Variants in PRRC2C observed in about 807,000 individuals in gnomAD.
The protein encoded by PRRC2C is proline rich coiled-coil 2C.
A neutral mutation model predicts 317.2 loss-of-function variants in PRRC2C; 72 were observed. That is an observed-to-expected ratio of 0.23 (90% CI 0.19 to 0.28). The LOEUF (loss-of-function observed/expected upper bound fraction) is 0.28, where lower values mean the gene tolerates loss of function less well. Among genes scored for constraint, PRRC2C ranks in the 10% least tolerant of loss-of-function variants. The probability of loss-of-function intolerance (pLI) is 1.00; values close to 1 mark genes in which losing one functional copy is unlikely to be tolerated. For synonymous variants in PRRC2C, 1,296 were observed against 1,205.9 expected (o/e 1.07, Z -1.55); for missense variants, 3,074 against 3,459.7 (o/e 0.89, Z 2.80).
In PRRC2C at chr1:171,536,228, C is replaced by T; in HGVS notation, c.2243C>T (p.Pro748Leu). The change falls in exon 14 of 35, where the codon CCT becomes CTT. Residue 748 changes from proline (P) to leucine (L), a missense_variant. Physicochemically the swap from Pro to Leu is moderately conservative, Grantham distance 98. Transcript: ENST00000647382. Reference protein sequence around the residue: ...RWLMMQSYMDPRMMSGRPAMD... With the variant: ...RWLMMQSYMDLRMMSGRPAMD... The stretch of plus-strand genomic sequence containing the variant: ...CTCATGATGCAGTCCTACATGGATC[C>T]TCGAATGATGTCAGGAAGACCTGCT... 1 of 1,613,760 alleles carries T rather than the reference C, an allele frequency of 6.2e-7. No homozygotes were observed.
At chr1:171,565,807 A>G (rs1383903108) in intron 20 of PRRC2C, among the ~76,000 whole-genome samples, 1 of 152,216 alleles carries the variant, frequency 6.6e-6, no homozygotes, top group Non-Finnish European at 1.5e-5. Flanking sequence ...TACCAATCAC[A>G]AAGTTTTTAT....
intron 19 of PRRC2C, among the ~76,000 whole-genome samples, chr1:171,559,963 G>T (rs548815063): frequency 6.6e-6 from 1 of 152,338 alleles, no homozygotes; most frequent in South Asian, 2.1e-4. Context: ...GAAGATTTAT[G>T]TTGTTTTCAT....
Position 171,542,153 on chromosome 1 carries a change from C to T in PRRC2C, c.4687C>T (p.Pro1563Ser), listed in dbSNP as rs147442466. 4.4e-6 allele frequency: 7 copies of T among 1,607,260 alleles called. No individual in the cohort carries two copies. The African/African-American group carries it at 8.1e-5, about 19-fold the overall frequency. Reference protein sequence around the residue: ...RQNRRGNNGPPKSGRNFSGPR... With the variant: ...RQNRRGNNGPSKSGRNFSGPR... The stretch of plus-strand genomic sequence containing the variant: ...GAATCGACGTGGCAACAATGGTCCA[C>T]CCAAATCAGGAAGGAATTTCTCAGG... Residue 1563 changes from proline (P) to serine (S), a missense_variant, in exon 16 of 35, where the codon CCC becomes TCC. Around this residue, in one of 11 missense-constraint regions of PRRC2C, gnomAD observed 178 missense variants for 163.0 expected, o/e 1.09. Transcript: ENST00000647382.
chr1:171,563,981 T>C (rs1244580938), intron 20 of PRRC2C, among the ~76,000 whole-genome samples: 2 of 152,196 alleles, frequency 1.3e-5, no homozygotes. Flanking sequence ...AGCAAGATAT[T>C]TTATTGGTGT....
chr1:171,515,635 A>G, intron 4 of PRRC2C, 99 bp from the exon 5 acceptor site: 2 of 1,036,460 alleles, frequency 1.9e-6, no homozygotes, highest in African/African-American at 1.6e-5. Context: ...ATGTGGAATA[A>G]TTTAAGAGAA....
rs1669493480 is a variant in PRRC2C at position 171,503,276 on chromosome 1, C to G, written c.-57-8756C>G. ...TGGTGGCTCACACCTGTAATCTCAGCACTTTAGGAGGATGAGGCAGGTGGA... is the reference window on the plus strand; with the variant it reads ...TGGTGGCTCACACCTGTAATCTCAGGACTTTAGGAGGATGAGGCAGGTGGA... On this transcript the variant is annotated intron_variant, in intron 1 of 34. Transcript: ENST00000647382. 2.6e-5 allele frequency among the ~76,000 whole-genome samples: 4 copies of G among 152,206 alleles called. No homozygotes were observed. In the South Asian group the frequency reaches 8.3e-4, roughly 32 times the overall value.
intron 30 of PRRC2C, among the ~76,000 whole-genome samples, chr1:171,585,306 C>G (rs1043364303): frequency 6.6e-6 from 1 of 152,152 alleles, no homozygotes; most frequent in African/African-American, 2.4e-5. Flanking sequence ...GTGTGGCAGA[C>G]TGTGATCGAG....
rs572164997 is a variant in PRRC2C at position 171,527,915 on chromosome 1, A to AT, written c.1254+77dup. 947 of 1,305,918 alleles carry AT rather than the reference A, an allele frequency of 7.3e-4. 1 individual carries two copies. Among genetic ancestry groups the AT allele is most frequent in the Non-Finnish European group, 9.4e-4 (874 of 930,890 alleles). The allele number at this position is 1,305,918 out of a possible 1,614,324, so 80.9% of individuals were successfully genotyped here. On this transcript the variant is annotated intron_variant, in intron 11 of 34. Transcript: ENST00000647382. ...TTTTGTTTTGGTGGAAAGACACCAA[A>AT]TTTTTTATTCAAAACTTTTATGAAA...
Position 171,514,541 on chromosome 1 carries a change from C to G in PRRC2C, c.296C>G (p.Pro99Arg), listed in dbSNP as rs150777706. ...GATTCATATTTTTTTTTAAGAACAC[C>G]AGAAGTGCCACCAGCACAGCCAAAA... is the stretch of plus-strand genomic sequence containing the variant. ...KQEQHEEEKTPEVPPAQPKPG... is the reference protein window; with the variant it reads ...KQEQHEEEKTREVPPAQPKPG... The change falls in exon 4 of 35, where the codon CCA becomes CGA. Residue 99 changes from proline (P) to arginine (R), a missense_variant. This residue lies in a region of PRRC2C where 71 missense variants were observed against 118.9 expected (regional missense o/e 0.60). Coordinates refer to ENST00000647382, the MANE Select transcript of PRRC2C (RefSeq NM_001387844.1). 6.4e-7 allele frequency: 1 copy of G among 1,553,214 alleles called. No individual in the cohort carries two copies. Among genetic ancestry groups the G allele is most frequent in the South Asian group, 1.2e-5 (1 of 84,004 alleles).
intron 19 of PRRC2C, among the ~76,000 whole-genome samples, chr1:171,560,715 A>G (rs527250655): frequency 6.6e-6 from 1 of 152,370 alleles, no homozygotes; most frequent in South Asian, 2.1e-4. Context: ...GCTATTACCT[A>G]TTAGACTGTA....
chr1:171,539,932 T>G, intron 15 of PRRC2C, 39 bp from the exon 16 acceptor site: 3 of 1,501,842 alleles, frequency 2.0e-6, no homozygotes, highest in Non-Finnish European at 2.7e-6. Context: ...TGGGAAAGAT[T>G]GCTTTGTTGA....
rs568080078 is a variant in PRRC2C, at chr1:171,524,361, A to G, written c.1056-460A>G. On this transcript the variant is annotated intron_variant, in intron 9 of 34. Coordinates refer to ENST00000647382, the MANE Select transcript of PRRC2C (RefSeq NM_001387844.1). ...ATGGAAGTTTGGAAGCACATTTGGT[A>G]TAATTTTTCAGTTATGGCATTGTGA... Among the ~76,000 whole-genome samples, 334 of 152,338 alleles carry G rather than the reference A, an allele frequency of 2.2e-3. 1 individual carries two copies. The highest frequency in any genetic ancestry group is 7.8e-3 in the African/African-American group (323 of 41,578).
Position 171,540,395 on chromosome 1 carries a change from T to C in PRRC2C, c.2929T>C (p.Ser977Pro), listed in dbSNP as rs1298955421. Reference sequence around the variant, plus strand: ...ACCAAAAAAGGAAGGCTTTATACGATCTTCTGAAGGACCAAAACCTGAAAA... The same window carrying C: ...ACCAAAAAAGGAAGGCTTTATACGACCTTCTGAAGGACCAAAACCTGAAAA... ...EKPKKEGFIR[S>P]SEGPKPEKVY... Residue 977 changes from serine (S) to proline (P), a missense_variant, in exon 16 of 35, where the codon TCT (serine) becomes CCT (proline). Ser to Pro is a moderately conservative substitution (Grantham distance 74). Around this residue, in one of 11 missense-constraint regions of PRRC2C, gnomAD observed 1,320 missense variants for 1,395.7 expected, o/e 0.95. Transcript: ENST00000647382. The C allele has an allele frequency of 1.2e-6, 2 of 1,612,960 alleles. No homozygotes were observed. The highest frequency in any genetic ancestry group is 1.7e-6 in the Non-Finnish European group (2 of 1,179,638).
chr1:171,583,816 A>G (rs1649253512), intron 28 of PRRC2C, 140 bp from the exon 29 acceptor site: 3 of 685,006 alleles, frequency 4.4e-6, no homozygotes, highest in Non-Finnish European at 4.9e-6. Flanking sequence ...GGGACCATCA[A>G]TATATATGTG....
At position 171,574,914 on chromosome 1, in the gene PRRC2C, C is replaced by T. The variant is rs372102267; in HGVS notation, c.6754-13C>T. 2.6e-5 allele frequency: 42 copies of T among 1,611,280 alleles called. No homozygotes were observed. The Middle Eastern group carries it at 4.9e-4, about 19-fold the overall frequency. ...CATCATTTTTTTACTATAAAATGTC[C>T]GTTTTATTGCAGATGGAGTCTGCAC... On this transcript the variant is annotated splice_polypyrimidine_tract_variant and intron_variant, in intron 24 of 34. Coordinates refer to ENST00000647382, the MANE Select transcript of PRRC2C (RefSeq NM_001387844.1).
chr1:171,558,378 T>TGG (rs35710400), intron 19 of PRRC2C, among the ~76,000 whole-genome samples: 25 of 150,724 alleles, frequency 1.7e-4, no homozygotes, highest in Non-Finnish European at 2.2e-4. Context: ...AGGCAATGTT[T>TGG]GGGGGGGTCT....
At chr1:171,533,159 C>T (rs1676181822) in intron 12 of PRRC2C, among the ~76,000 whole-genome samples, 198 bp downstream of exon 12, 1 of 152,154 alleles carries the variant, frequency 6.6e-6, no homozygotes. Context: ...AAGTGTTTCT[C>T]AGTTATTAGA....
chr1:171,587,346 C>A, intron 31 of PRRC2C, 125 bp downstream of exon 31: 1 of 880,430 alleles, frequency 1.1e-6, no homozygotes, highest in African/African-American at 1.7e-5. Context: ...AATCTCAAAC[C>A]CCAGTATATT....
At chr1:171,548,882 G>T (rs1326665390) in intron 17 of PRRC2C, among the ~76,000 whole-genome samples, 2 of 152,024 alleles carry the variant, frequency 1.3e-5, no homozygotes, top group Non-Finnish European at 2.9e-5. Flanking sequence ...TTGAGACAGG[G>T]TCTTGCTCTC....
Sources: gnomAD v4.1 joint callset for allele counts (sites outside exome capture counted in the v4.1 genomes callset) on GRCh38, gnomAD v4.1.1 for gene constraint, gnomAD v4.1.1 regional missense constraint, MANE v1.5 for transcripts, NCBI Gene and HGNC (gene_info 2026-07-23, HGNC 2026-07-21) for gene names.